The following IFT43 variants were observed in gnomAD, a reference collection of about 807,000 sequenced individuals.
The protein encoded by IFT43 is intraflagellar transport 43, also known as intraflagellar transport protein 43 homolog.
IFT43 carries 33 observed loss-of-function variants against 32.3 expected under a neutral mutation model. The observed-to-expected ratio is 1.02, with a 90% confidence interval of 0.77 to 1.37. The LOEUF (loss-of-function observed/expected upper bound fraction) is 1.37, where lower values mean the gene tolerates loss of function less well. Among genes scored for constraint, IFT43 ranks in the 40% most tolerant of loss-of-function variants. The pLI is 0.00. For missense variants in IFT43, 274 were observed against 265.9 expected, an observed-to-expected ratio of 1.03 and a Z score of -0.21; for synonymous variants, 93 against 98.2, an observed-to-expected ratio of 0.95 and a Z score of 0.31.
intron 3 of IFT43, among the ~76,000 whole-genome samples, chr14:76,044,043 CTTTTTTTTTTGG>C (rs995094903): frequency 6.8e-6 from 1 of 146,168 alleles, no homozygotes; most frequent in Non-Finnish European, 1.5e-5. Context: ...TGTTATTTCT[CTTTTTTTTTTGG>C]TTTTTTTTTT....
intron 2 of IFT43, among the ~76,000 whole-genome samples, chr14:76,006,674 T>C (rs1269853868): frequency 1.3e-5 from 2 of 152,174 alleles, no homozygotes; most frequent in African/African-American, 4.8e-5. Flanking sequence ...ATGAAATGAT[T>C]TTTTAACCAT....
intron 2 of IFT43, among the ~76,000 whole-genome samples, chr14:76,000,736 G>A (rs1187165423): frequency 6.6e-6 from 1 of 152,226 alleles, no homozygotes; most frequent in East Asian, 1.9e-4. Flanking sequence ...CAGATAGGAT[G>A]TGGTAACAGA....
chr14:76,036,891 G>A (rs550251950), intron 3 of IFT43, among the ~76,000 whole-genome samples: 53 of 150,898 alleles, frequency 3.5e-4, no homozygotes, highest in African/African-American at 1.2e-3. Context: ...GCAGTGGCAC[G>A]ATCATAGCTC....
chr14:76,039,305 T>C (rs1200458586), intron 3 of IFT43, among the ~76,000 whole-genome samples: 3 of 152,144 alleles, frequency 2.0e-5, no homozygotes, highest in Non-Finnish European at 2.9e-5. Context: ...ACTACAGGCG[T>C]GTGCCACCAT....
At chr14:76,058,468 A>G (rs1209223463) in intron 3 of IFT43, 174 bp from the exon 4 acceptor site, 1 of 642,644 alleles carries the variant, frequency 1.6e-6, no homozygotes, top group Non-Finnish European at 2.6e-6. Flanking sequence ...GCACTACAGC[A>G]TCTTCAGTTC....
intron 2 of IFT43, among the ~76,000 whole-genome samples, chr14:75,997,665 C>T (rs1341005294): frequency 6.6e-6 from 1 of 151,242 alleles, no homozygotes; most frequent in Non-Finnish European, 1.5e-5. Flanking sequence ...TGAGAAGTGA[C>T]TTCTATTTAG....
intron 2 of IFT43, among the ~76,000 whole-genome samples, chr14:76,009,509 G>A (rs1461279803): frequency 6.6e-6 from 1 of 152,108 alleles, no homozygotes; most frequent in Admixed American, 6.5e-5. Context: ...ATTTCTCTTT[G>A]TAGCCTGTGT....
chr14:76,048,762 A>T (rs1246105669), intron 3 of IFT43, among the ~76,000 whole-genome samples: 4 of 152,186 alleles, frequency 2.6e-5, no homozygotes, highest in Admixed American at 2.0e-4. Context: ...CCCATTGTAA[A>T]AGAGCCCACG....
At chr14:76,073,819 C>T (rs896242707) in intron 5 of IFT43, among the ~76,000 whole-genome samples, 10 of 152,154 alleles carry the variant, frequency 6.6e-5, no homozygotes, top group Admixed American at 3.9e-4. Context: ...AGAGCCCCGC[C>T]GCCCTTGATT....
intron 2 of IFT43, among the ~76,000 whole-genome samples, chr14:75,999,240 T>A (rs1566699118): frequency 9.4e-4 from 10 of 10,594 alleles, no homozygotes; most frequent in African/African-American, 5.0e-3. Context: ...TATATATATA[T>A]ATATATATAT....
chr14:76,032,981 T>C (rs2036534992), intron 3 of IFT43, among the ~76,000 whole-genome samples: 1 of 152,180 alleles, frequency 6.6e-6, no homozygotes, highest in Non-Finnish European at 1.5e-5. Context: ...TAGGAGCTGA[T>C]GGTGGGACAT....
intron 3 of IFT43, among the ~76,000 whole-genome samples, chr14:76,026,916 A>T (rs1413946224): frequency 6.6e-6 from 1 of 152,204 alleles, no homozygotes; most frequent in Non-Finnish European, 1.5e-5. Flanking sequence ...AAAGAACAAG[A>T]TCATGTCCTT....
At chr14:76,055,091 C>T (rs1033932099) in intron 3 of IFT43, among the ~76,000 whole-genome samples, 1 of 152,182 alleles carries the variant, frequency 6.6e-6, no homozygotes, top group African/African-American at 2.4e-5. Context: ...ATGCCTGAAT[C>T]CCAGTGCTTT....
intron 2 of IFT43, among the ~76,000 whole-genome samples, chr14:76,003,789 T>A (rs2035933661): frequency 6.6e-6 from 1 of 151,986 alleles, no homozygotes; most frequent in Non-Finnish European, 1.5e-5. Context: ...TGTTTTGTTT[T>A]GTTTTTGAGA....
At chr14:76,064,097 A>G (rs2140064723) in intron 5 of IFT43, among the ~76,000 whole-genome samples, 1 of 152,290 alleles carries the variant, frequency 6.6e-6, no homozygotes, top group African/African-American at 2.4e-5. Flanking sequence ...TAGTAAGACC[A>G]TACTCTCATC....
chr14:76,073,982 T>C (rs1365391547), intron 5 of IFT43, among the ~76,000 whole-genome samples: 1 of 152,142 alleles, frequency 6.6e-6, no homozygotes, highest in Non-Finnish European at 1.5e-5. Context: ...GCAGTGGCCT[T>C]GTGCAGAGGG....
intron 2 of IFT43, among the ~76,000 whole-genome samples, chr14:76,008,911 A>T (rs2036028395): frequency 6.6e-6 from 1 of 152,180 alleles, no homozygotes. Flanking sequence ...GACTTGCCTC[A>T]TTAAAGGGGT....
intron 5 of IFT43, among the ~76,000 whole-genome samples, chr14:76,073,879 C>T (rs2037366944): frequency 6.6e-6 from 1 of 152,044 alleles, no homozygotes; most frequent in African/African-American, 2.4e-5. Flanking sequence ...CGTTTCTCAT[C>T]TGATAAGAGA....
At chr14:76,074,380 C>T (rs914285769) in intron 5 of IFT43, among the ~76,000 whole-genome samples, 4 of 152,144 alleles carry the variant, frequency 2.6e-5, no homozygotes, top group South Asian at 4.1e-4. Flanking sequence ...GGGACCTCCA[C>T]GAGGCTCTGA....
Sources: gnomAD v4.1 joint callset for allele counts (sites outside exome capture counted in the v4.1 genomes callset) on GRCh38, gnomAD v4.1.1 for gene constraint, MANE v1.5 for transcripts, NCBI Gene and HGNC (gene_info 2026-07-23, HGNC 2026-07-21) for gene names.